The following NUMB variants were observed in gnomAD, a reference collection of about 807,000 sequenced individuals.
The protein encoded by NUMB is protein numb homolog.
A neutral mutation model predicts 59.7 loss-of-function variants in NUMB; 29 were observed. The observed-to-expected ratio is 0.49, with a 90% CI of 0.36 to 0.66. The LOEUF (loss-of-function observed/expected upper bound fraction) is 0.66. Ranked by LOEUF, NUMB falls within the 30% of genes least tolerant of loss-of-function variation. NUMB has a pLI of 0.00. For synonymous variants in NUMB, 288 were observed against 288.2 expected (o/e 1.00, Z 0.01); for missense variants, 723 against 822.0 (o/e 0.88, Z 1.47).
chr14:73,339,786 T>A (rs1366912779), intron 4 of NUMB, among the ~76,000 whole-genome samples: 3 of 152,134 alleles, frequency 2.0e-5, no homozygotes, highest in African/African-American at 4.8e-5. Flanking sequence ...TGTTTGTTTG[T>A]TTTTTAGAAC....
intron 5 of NUMB, among the ~76,000 whole-genome samples, chr14:73,322,452 T>C (rs942160360): frequency 6.6e-6 from 1 of 152,140 alleles, no homozygotes; most frequent in African/African-American, 2.4e-5. Context: ...GCAGTAGAAA[T>C]AGACTGTTTA....
At chr14:73,395,998 G>A (rs1896113050) in intron 2 of NUMB, among the ~76,000 whole-genome samples, 2 of 152,120 alleles carry the variant, frequency 1.3e-5, no homozygotes, top group Non-Finnish European at 2.9e-5. Flanking sequence ...TCAACTTCAG[G>A]TAGAAATGAA....
At chr14:73,384,213 T>G (rs1283985577) in intron 2 of NUMB, among the ~76,000 whole-genome samples, 1 of 151,576 alleles carries the variant, frequency 6.6e-6, no homozygotes, top group Non-Finnish European at 1.5e-5. Context: ...CTCAGCCTCC[T>G]GAGTAGCTGG....
intron 5 of NUMB, among the ~76,000 whole-genome samples, chr14:73,321,764 A>G (rs1270028658): frequency 6.6e-6 from 1 of 152,228 alleles, no homozygotes; most frequent in Non-Finnish European, 1.5e-5. Context: ...TGAATCATTT[A>G]AGAATTTTAA....
In NUMB at chr14:73,282,409, G is replaced by C. The variant is rs769573586; in HGVS notation, c.1046C>G (p.Pro349Arg). ...CACCACTGTCACTGGTTTGGTCATC[G>C]GAGCAGATGAGAAGGGGTCCTCAGG... ...STPEDPFSSA[P>R]MTKPVTVVAP... Residue 349 changes from proline (P) to arginine (R), a missense_variant, in exon 11 of 13, where the codon CCG becomes CGG. Around this residue, in one of 2 missense-constraint regions of NUMB, gnomAD observed 406 missense variants for 385.4 expected, o/e 1.05. Coordinates refer to ENST00000555238, the MANE Select transcript of NUMB (RefSeq NM_001005743.2). 3.7e-6 allele frequency: 6 copies of C among 1,614,058 alleles called. No individual in the cohort carries two copies. The Admixed American group carries it at 1.0e-4, about 27-fold the overall frequency.
At chr14:73,323,760 C>T (rs1228276935) in intron 4 of NUMB, among the ~76,000 whole-genome samples, 1 of 152,198 alleles carries the variant, frequency 6.6e-6, no homozygotes, top group African/African-American at 2.4e-5. Flanking sequence ...GAAGGTATTA[C>T]ATCTGAGCTT....
intron 4 of NUMB, among the ~76,000 whole-genome samples, chr14:73,342,631 G>GA (rs1300430400): frequency 1.3e-5 from 2 of 152,004 alleles, no homozygotes; most frequent in Non-Finnish European, 1.5e-5. Context: ...TTCAATGAAG[G>GA]AAAAAACATG....
chr14:73,323,695 A>C (rs1193281841), intron 4 of NUMB, among the ~76,000 whole-genome samples: 1 of 152,234 alleles, frequency 6.6e-6, no homozygotes, highest in Non-Finnish European at 1.5e-5. Flanking sequence ...GAAATCACAC[A>C]TTCCTTTTAT....
At chr14:73,380,724 G>GTTTTT (rs759209884) in intron 2 of NUMB, among the ~76,000 whole-genome samples, 1 of 131,214 alleles carries the variant, frequency 7.6e-6, no homozygotes, top group Non-Finnish European at 1.6e-5. Flanking sequence ...TCATCAATTA[G>GTTTTT]TTTTTTTTTT....
At chr14:73,422,185 T>C (rs1227361353) in intron 1 of NUMB, among the ~76,000 whole-genome samples, 1 of 151,690 alleles carries the variant, frequency 6.6e-6, no homozygotes, top group Non-Finnish European at 1.5e-5. Flanking sequence ...TCACCTACAA[T>C]GTCTGGGGAA....
At position 73,372,343 on chromosome 14, in the gene NUMB, TTATATATATATATATAACCTTTTA is replaced by T. The variant is rs1218180279; in HGVS notation, c.-100-5386_-100-5363del. Among the ~76,000 whole-genome samples the T allele has an allele frequency of 5.2e-3, 522 of 100,750 alleles. 5 individuals carry two copies. Among genetic ancestry groups the T allele is most frequent in the African/African-American group, 0.018 (487 of 26,440 alleles). 66.1% of individuals were successfully genotyped at this position (100,750 alleles called of 152,430 possible). A position where few individuals can be genotyped will look rare whatever the true frequency, so the allele number is the denominator to read the frequency against. On this transcript the variant is annotated intron_variant, in intron 2 of 12. Coordinates refer to ENST00000555238, the MANE Select transcript of NUMB (RefSeq NM_001005743.2). ...TATATATATATATATATATAACCTT[TTATATATATATATATAACCTTTTA>T]TATATATATATATAAATGTGTATGT... is the stretch of plus-strand genomic sequence containing the variant.
intron 6 of NUMB, among the ~76,000 whole-genome samples, chr14:73,308,521 A>G (rs1890591280): frequency 1.3e-5 from 2 of 152,216 alleles, no homozygotes; most frequent in Non-Finnish European, 2.9e-5. Flanking sequence ...CTTCACAACA[A>G]TCACATGAAG....
At chr14:73,279,862 C>T (rs1003179555) in intron 11 of NUMB, among the ~76,000 whole-genome samples, 2 of 152,198 alleles carry the variant, frequency 1.3e-5, no homozygotes, top group African/African-American at 4.8e-5. Context: ...AACAATAATA[C>T]TGGTTAAAAA....
intron 6 of NUMB, among the ~76,000 whole-genome samples, chr14:73,302,937 G>T (rs1594883719): frequency 1.3e-5 from 2 of 152,164 alleles, no homozygotes; most frequent in East Asian, 3.9e-4. Flanking sequence ...CATACAGGCC[G>T]GGCACAGTGG....
At chr14:73,289,183 A>G (rs1026419665) in intron 8 of NUMB, among the ~76,000 whole-genome samples, 7 of 147,076 alleles carry the variant, frequency 4.8e-5, no homozygotes, top group Non-Finnish European at 9.3e-5. Flanking sequence ...CTAATTCCCA[A>G]CTCTACCTCC....
intron 6 of NUMB, among the ~76,000 whole-genome samples, chr14:73,307,612 AAG>A (rs1337974263): frequency 2.0e-5 from 3 of 152,048 alleles, no homozygotes; most frequent in Non-Finnish European, 2.9e-5. Flanking sequence ...AAAGAGGAAA[AAG>A]AGGGGATTCA....
intron 1 of NUMB, among the ~76,000 whole-genome samples, chr14:73,429,831 T>C (rs941584198): frequency 2.0e-5 from 3 of 151,790 alleles, no homozygotes; most frequent in Non-Finnish European, 4.4e-5. Flanking sequence ...TAATCCCAGC[T>C]ATTCAAGAGG....
intron 2 of NUMB, among the ~76,000 whole-genome samples, chr14:73,386,977 T>C (rs896899278): frequency 3.6e-5 from 5 of 137,250 alleles, no homozygotes; most frequent in Non-Finnish European, 7.7e-5. Context: ...GCCTCCCGGG[T>C]TCACGCCATT....
intron 2 of NUMB, among the ~76,000 whole-genome samples, chr14:73,369,725 T>C (rs570274737): frequency 1.8e-4 from 27 of 152,208 alleles, no homozygotes; most frequent in African/African-American, 6.5e-4. Context: ...AAAATCCTTT[T>C]AAAAATAGTT....
Sources: gnomAD v4.1 joint callset for allele counts (sites outside exome capture counted in the v4.1 genomes callset) on GRCh38, gnomAD v4.1.1 for gene constraint, gnomAD v4.1.1 regional missense constraint, MANE v1.5 for transcripts, NCBI Gene and HGNC (gene_info 2026-07-23, HGNC 2026-07-21) for gene names.